Variants in SEMA3A observed in about 807,000 individuals in gnomAD.
The protein encoded by SEMA3A is semaphorin 3A.
In SEMA3A, 29 loss-of-function variants were observed where a neutral mutation model predicts 97.9. The observed-to-expected ratio is 0.30, with a 90% CI of 0.22 to 0.40. The LOEUF is 0.40. SEMA3A is among the 10% of genes least tolerant of loss of function. The probability of loss-of-function intolerance (pLI) is 1.00; values close to 1 mark genes in which losing one functional copy is unlikely to be tolerated. For synonymous variants in SEMA3A, 321 were observed against 323.7 expected (o/e 0.99, Z 0.09); for missense variants, 763 against 951.3 (o/e 0.80, Z 2.60).
chr7:84,424,487 GATATATA>G (rs1209825957), intron 1 of SEMA3A, among the ~76,000 whole-genome samples: 6 of 77,170 alleles, frequency 7.8e-5, no homozygotes, highest in East Asian at 5.8e-4. Context: ...ATAATATATT[GATATATA>G]ATATATAATA....
chr7:84,091,961 A>G (rs567651522), intron 4 of SEMA3A, among the ~76,000 whole-genome samples: 1 of 152,274 alleles, frequency 6.6e-6, no homozygotes, highest in Middle Eastern at 3.4e-3. Context: ...GTATTTTTAT[A>G]TAAGTCTACA....
intron 2 of SEMA3A, among the ~76,000 whole-genome samples, chr7:84,321,418 A>C (rs1801640159): frequency 6.6e-6 from 1 of 152,212 alleles, no homozygotes; most frequent in African/African-American, 2.4e-5. Flanking sequence ...ATCTCTCTGC[A>C]CAGTAAAATC....
chr7:84,046,170 C>A (rs146507905), intron 6 of SEMA3A, among the ~76,000 whole-genome samples, 154 bp downstream of exon 6: 6 of 151,904 alleles, frequency 3.9e-5, no homozygotes, highest in African/African-American at 1.2e-4. Context: ...CTTTCTTTGC[C>A]GAACTTTCTC....
At chr7:84,477,954 T>C (rs1480931973) in intron 1 of SEMA3A, among the ~76,000 whole-genome samples, 1 of 152,246 alleles carries the variant, frequency 6.6e-6, no homozygotes, top group Non-Finnish European at 1.5e-5. Context: ...CATTATCACC[T>C]TCCTCCTATG....
At chr7:84,469,921 A>G (rs181869717) in intron 1 of SEMA3A, among the ~76,000 whole-genome samples, 1 of 152,064 alleles carries the variant, frequency 6.6e-6, no homozygotes, top group Non-Finnish European at 1.5e-5. Flanking sequence ...AAATGTTAGA[A>G]AAGTGTAAAC....
intron 3 of SEMA3A, among the ~76,000 whole-genome samples, chr7:84,217,454 C>A (rs1338727326): frequency 6.6e-6 from 1 of 151,834 alleles, no homozygotes; most frequent in Admixed American, 6.6e-5. Context: ...CACACTTGAC[C>A]CTATATAAAA....
At chr7:84,159,925 A>T (rs2116159385) in intron 1 of SEMA3A, among the ~76,000 whole-genome samples, 1 of 152,306 alleles carries the variant, frequency 6.6e-6, no homozygotes, top group East Asian at 1.9e-4. Context: ...AAAACAAAAC[A>T]AAATACTGAA....
chr7:84,204,123 C>T (rs919116039), intron 3 of SEMA3A, among the ~76,000 whole-genome samples: 6 of 152,052 alleles, frequency 3.9e-5, no homozygotes, highest in African/African-American at 1.4e-4. Flanking sequence ...GAGTATTCTA[C>T]AGTGTTTCTA....
At chr7:83,985,556 C>T (rs775362332) in intron 12 of SEMA3A, 79 bp from the exon 13 acceptor site, 12 of 1,151,704 alleles carry the variant, frequency 1.0e-5, no homozygotes, top group Non-Finnish European at 1.6e-5. Flanking sequence ...CAAGGCACTG[C>T]CATTAGTTTT....
chr7:84,302,245 A>T (rs999786492), intron 3 of SEMA3A, among the ~76,000 whole-genome samples: 2 of 129,878 alleles, frequency 1.5e-5, no homozygotes, highest in Non-Finnish European at 3.4e-5. Context: ...GGAAAGAGTT[A>T]GGAATAATTT....
intron 1 of SEMA3A, among the ~76,000 whole-genome samples, chr7:84,480,102 T>C (rs1211152768): frequency 1.3e-5 from 2 of 152,374 alleles, no homozygotes; most frequent in Admixed American, 6.5e-5. Context: ...GCAAGATTAA[T>C]GTTCATTTCT....
At chr7:84,220,373 T>G (rs1161635878) in intron 3 of SEMA3A, among the ~76,000 whole-genome samples, 4 of 152,158 alleles carry the variant, frequency 2.6e-5, no homozygotes, top group African/African-American at 7.2e-5. Context: ...AGGATTGGAA[T>G]CGACTTCTTC....
At chr7:84,029,808 T>TAC (rs1282430932) in intron 6 of SEMA3A, among the ~76,000 whole-genome samples, 7 of 141,222 alleles carry the variant, frequency 5.0e-5, no homozygotes, top group East Asian at 2.0e-4. Context: ...ATCCCTTCCA[T>TAC]ATACACACAC....
At chr7:84,334,533 T>C (rs1199479481) in intron 2 of SEMA3A, among the ~76,000 whole-genome samples, 3 of 151,958 alleles carry the variant, frequency 2.0e-5, no homozygotes, top group Admixed American at 6.6e-5. Flanking sequence ...CCTGCACTCT[T>C]CCTCCACCTG....
At chr7:84,278,240 T>G (rs1162818600) in intron 3 of SEMA3A, among the ~76,000 whole-genome samples, 2 of 152,128 alleles carry the variant, frequency 1.3e-5, no homozygotes, top group Non-Finnish European at 2.9e-5. Flanking sequence ...GCTCCAGCTC[T>G]CAATAAGTTT....
At chr7:84,170,299 C>T (rs1275003912) in intron 1 of SEMA3A, among the ~76,000 whole-genome samples, 1 of 151,924 alleles carries the variant, frequency 6.6e-6, no homozygotes, top group Non-Finnish European at 1.5e-5. Context: ...GTAAAAGTTA[C>T]TTTTGTAATA....
Position 84,427,247 on chromosome 7 carries a change from A to C in SEMA3A, c.-245-55347T>G, listed in dbSNP as rs373241670. On this transcript the variant is annotated intron_variant, in intron 1 of 3. Transcript: ENST00000424555. ...CCACAATGAAGGGAGATATCTATGA[A>C]TTATTTTTTGCCTATACCATCACTT... is the stretch of plus-strand genomic sequence containing the variant. Among the ~76,000 whole-genome samples the C allele has an allele frequency of 1.6e-4, 25 of 152,218 alleles. No individual in the cohort carries two copies. The East Asian group carries it at 2.9e-3, about 18-fold the overall frequency.
chr7:84,067,765 A>G (rs1174300074), intron 4 of SEMA3A, among the ~76,000 whole-genome samples: 1 of 150,364 alleles, frequency 6.7e-6, no homozygotes, highest in African/African-American at 2.4e-5. Context: ...TTAAAAAGTC[A>G]GGAAACAACA....
chr7:84,332,780 T>A (rs1175842399), intron 2 of SEMA3A, among the ~76,000 whole-genome samples: 9 of 152,034 alleles, frequency 5.9e-5, no homozygotes, highest in Non-Finnish European at 1.3e-4. Context: ...GAGTAAATAT[T>A]TACAGTTCTT....
Sources: allele counts gnomAD v4.1 joint callset (sites outside exome capture counted in the v4.1 genomes callset), GRCh38; gene constraint gnomAD v4.1.1; transcripts MANE v1.5; gene names NCBI Gene and HGNC (gene_info 2026-07-23, HGNC 2026-07-21).